The following NXPH1 variants were observed in gnomAD, a reference collection of about 807,000 sequenced individuals.
NXPH1 encodes the protein neurexophilin-1.
In NXPH1, 5 loss-of-function variants were observed where a neutral mutation model predicts 23.7. The ratio of observed to expected loss-of-function variants is 0.21; its 90% CI spans 0.11 to 0.44. NXPH1 has a LOEUF of 0.44. Ranked by LOEUF, NXPH1 falls within the 20% of genes least tolerant of loss-of-function variation. NXPH1 has a pLI of 0.99. For synonymous variants in NXPH1, 144 were observed against 122.2 expected (o/e 1.18, Z -1.18); for missense variants, 324 against 321.6 (o/e 1.01, Z -0.06).
chr7:8,705,466 C>A (rs535113019), intron 2 of NXPH1, among the ~76,000 whole-genome samples: 1 of 152,262 alleles, frequency 6.6e-6, no homozygotes, highest in South Asian at 2.1e-4. Context: ...AGAGAAACTG[C>A]AGATTAGTGC....
chr7:8,540,563 T>TG (rs1227032058), intron 2 of NXPH1, among the ~76,000 whole-genome samples: 1 of 151,566 alleles, frequency 6.6e-6, no homozygotes, highest in African/African-American at 2.4e-5. Context: ...GCTGAGTGAA[T>TG]GGGGAGGTCA....
intron 2 of NXPH1, among the ~76,000 whole-genome samples, chr7:8,592,085 T>A (rs1562415837): frequency 6.6e-6 from 1 of 152,002 alleles, no homozygotes; most frequent in Non-Finnish European, 1.5e-5. Flanking sequence ...AGTTGTCATC[T>A]AAATATATAA....
At chr7:8,559,312 GA>G (rs1409585139) in intron 2 of NXPH1, among the ~76,000 whole-genome samples, 1 of 151,546 alleles carries the variant, frequency 6.6e-6, no homozygotes. Flanking sequence ...TAATTTGATT[GA>G]AAAAGAAAAG....
intron 2 of NXPH1, among the ~76,000 whole-genome samples, chr7:8,600,034 C>T (rs929798938): frequency 6.6e-6 from 1 of 151,724 alleles, no homozygotes; most frequent in African/African-American, 2.4e-5. Flanking sequence ...GGGAAGGTGG[C>T]GTTGGTGGAG....
Position 8,633,383 on chromosome 7 carries a change from G to T in NXPH1, c.55-117625G>T, listed in dbSNP as rs575135647. ...GCGGAGATTGCAGTGAGCCAAGATCGTGCCACTGTAGCCTAGAGACAGAGC... is the reference window on the plus strand; with the variant it reads ...GCGGAGATTGCAGTGAGCCAAGATCTTGCCACTGTAGCCTAGAGACAGAGC... On this transcript the variant is annotated intron_variant, in intron 2 of 2. Transcript: ENST00000405863. 5.3e-5 allele frequency among the ~76,000 whole-genome samples: 8 copies of T among 152,310 alleles called. No individual in the cohort carries two copies. In the East Asian group the frequency reaches 1.2e-3, roughly 22 times the overall value.
At chr7:8,535,588 C>T (rs988113983) in intron 2 of NXPH1, among the ~76,000 whole-genome samples, 6 of 151,628 alleles carry the variant, frequency 4.0e-5, no homozygotes, top group Admixed American at 3.3e-4. Flanking sequence ...ACCCTGCTGT[C>T]ATGGTGGTCA....
chr7:8,493,628 C>T (rs1476896524), intron 2 of NXPH1, among the ~76,000 whole-genome samples: 14 of 151,980 alleles, frequency 9.2e-5, no homozygotes, highest in East Asian at 3.9e-4. Context: ...TGTCCACTTA[C>T]GGGATTAGAA....
intron 2 of NXPH1, among the ~76,000 whole-genome samples, chr7:8,638,050 A>T (rs1820247716): frequency 6.6e-6 from 1 of 152,172 alleles, no homozygotes; most frequent in South Asian, 2.1e-4. Flanking sequence ...ATAAAAATGG[A>T]TGTGGTGCAG....
intron 2 of NXPH1, among the ~76,000 whole-genome samples, chr7:8,539,159 AG>A (rs1008680829): frequency 2.0e-5 from 3 of 151,870 alleles, no homozygotes; most frequent in African/African-American, 7.2e-5. Flanking sequence ...GGTAGGTGGA[AG>A]GGGAGGAGTT....
At chr7:8,729,951 C>A (rs1298091492) in intron 2 of NXPH1, among the ~76,000 whole-genome samples, 1 of 142,974 alleles carries the variant, frequency 7.0e-6, no homozygotes, top group Non-Finnish European at 1.5e-5. Context: ...GTTAAAGTCT[C>A]CCATTATTAA....
intron 2 of NXPH1, among the ~76,000 whole-genome samples, chr7:8,540,312 T>C (rs553399579): frequency 4.6e-5 from 7 of 151,824 alleles, no homozygotes; most frequent in African/African-American, 1.7e-4. Context: ...TCGGTAAAAG[T>C]GAAGTAATTG....
chr7:8,478,177 C>T (rs1817009146), intron 2 of NXPH1, among the ~76,000 whole-genome samples: 1 of 152,160 alleles, frequency 6.6e-6, no homozygotes, highest in Non-Finnish European at 1.5e-5. Flanking sequence ...CTCCTTTCCT[C>T]CAAAAGCCAC....
intron 2 of NXPH1, among the ~76,000 whole-genome samples, chr7:8,596,977 G>T (rs550867899): frequency 1.3e-5 from 2 of 152,132 alleles, no homozygotes; most frequent in East Asian, 3.9e-4. Context: ...GAATAATCTT[G>T]GTATGGGAAG....
At chr7:8,452,012 A>G (rs1159957686) in intron 2 of NXPH1, among the ~76,000 whole-genome samples, 2 of 152,166 alleles carry the variant, frequency 1.3e-5, no homozygotes, top group African/African-American at 4.8e-5. Context: ...TGGGCAGTAC[A>G]CAGTTAGTTA....
intron 2 of NXPH1, among the ~76,000 whole-genome samples, chr7:8,533,548 C>T (rs953147857): frequency 1.3e-5 from 2 of 151,976 alleles, no homozygotes; most frequent in Non-Finnish European, 2.9e-5. Context: ...GTTTAAAAAC[C>T]AATTGAAAAT....
intron 2 of NXPH1, among the ~76,000 whole-genome samples, chr7:8,529,313 T>A (rs1334250609): frequency 6.6e-6 from 1 of 152,224 alleles, no homozygotes; most frequent in Non-Finnish European, 1.5e-5. Flanking sequence ...TAGTCATAGA[T>A]ATGGCACCAG....
At chr7:8,719,668 G>A (rs1204117960) in intron 2 of NXPH1, among the ~76,000 whole-genome samples, 1 of 152,144 alleles carries the variant, frequency 6.6e-6, no homozygotes, top group Non-Finnish European at 1.5e-5. Flanking sequence ...TCTGCCTTAA[G>A]AGCTGTCAGC....
chr7:8,598,637 C>T (rs1282834726), intron 2 of NXPH1, among the ~76,000 whole-genome samples: 2 of 152,112 alleles, frequency 1.3e-5, no homozygotes, highest in Non-Finnish European at 2.9e-5. Context: ...ATTGAGTGAA[C>T]CATAAGTATA....
chr7:8,495,422 G>T (rs558553094), intron 2 of NXPH1, among the ~76,000 whole-genome samples: 3 of 151,826 alleles, frequency 2.0e-5, no homozygotes, highest in Admixed American at 6.6e-5. Context: ...CCAAACAACC[G>T]AACACCATGT....
Sources: allele counts gnomAD v4.1 joint callset (sites outside exome capture counted in the v4.1 genomes callset), GRCh38; gene constraint gnomAD v4.1.1; transcripts MANE v1.5; gene names NCBI Gene and HGNC (gene_info 2026-07-23, HGNC 2026-07-21).